The following CLCN1 variants were observed in gnomAD, a reference collection of about 807,000 sequenced individuals.
The protein encoded by CLCN1 is chloride channel protein 1.
CLCN1 carries 100 observed loss-of-function variants against 114.5 expected under a neutral mutation model. The observed-to-expected ratio is 0.87, with a 90% CI of 0.74 to 1.03. The LOEUF is 1.03. CLCN1 is among the 50% of genes least tolerant of loss of function. The pLI, the probability that CLCN1 is intolerant of heterozygous loss-of-function variation, is 0.00. For synonymous variants in CLCN1, 485 were observed against 487.1 expected, an observed-to-expected ratio of 1.00 and a Z score of 0.06; for missense variants, 1,188 against 1,250.0, an observed-to-expected ratio of 0.95 and a Z score of 0.75.
intron 20 of CLCN1, among the ~76,000 whole-genome samples, chr7:143,349,380 C>G (rs1803337597): frequency 6.6e-6 from 1 of 152,192 alleles, no homozygotes; most frequent in Non-Finnish European, 1.5e-5. Flanking sequence ...GATCCTAAAC[C>G]TATATAATGC....
intron 16 of CLCN1, among the ~76,000 whole-genome samples, chr7:143,344,803 T>C (rs1315435622): frequency 1.4e-5 from 2 of 147,690 alleles, no homozygotes; most frequent in African/African-American, 2.5e-5. Flanking sequence ...CAGGTTGGAG[T>C]GCAGTGGTGC....
At chr7:143,323,503 T>C (rs1802499546) in intron 6 of CLCN1, 117 bp downstream of exon 6, 1 of 786,140 alleles carries the variant, frequency 1.3e-6, no homozygotes, top group Admixed American at 1.8e-5. Flanking sequence ...TGAAGCAGCA[T>C]CGCACTAATC....
Position 143,330,660 on chromosome 7 carries a change from C to T in CLCN1, c.854-112C>T, listed in dbSNP as rs1189097809. ...AAGAGATCATTACTTTCCACTACTGCTTCCACCCAGATTCATGTTTCAGCA... is the reference window on the plus strand; with the variant it reads ...AAGAGATCATTACTTTCCACTACTGTTTCCACCCAGATTCATGTTTCAGCA... On this transcript the variant is annotated intron_variant, in intron 7 of 22. Transcript: ENST00000343257. 1.9e-5 allele frequency: 26 copies of T among 1,399,910 alleles called. No individual in the cohort carries two copies. The South Asian group carries it at 2.5e-4, about 13-fold the overall frequency. The allele number at this position is 1,399,910 out of a possible 1,614,324, so 86.7% of individuals were successfully genotyped here.
At chr7:143,345,853 G>T in intron 17 of CLCN1, 91 bp downstream of exon 17, 1 of 1,523,536 alleles carries the variant, frequency 6.6e-7, no homozygotes. Flanking sequence ...GCTGGGACAG[G>T]CGTAGTTTCC....
intron 1 of CLCN1, among the ~76,000 whole-genome samples, chr7:143,319,472 A>T (rs1366722785): frequency 6.6e-6 from 1 of 152,182 alleles, no homozygotes; most frequent in Non-Finnish European, 1.5e-5. Context: ...TCAAAGCAAA[A>T]ACTGGCCTCC....
intron 17 of CLCN1, among the ~76,000 whole-genome samples, 180 bp downstream of exon 17, chr7:143,345,942 C>T (rs1803231020): frequency 6.6e-6 from 1 of 152,078 alleles, no homozygotes; most frequent in African/African-American, 2.4e-5. Context: ...CCATAGAGAC[C>T]AGTGCCTCTG....
chr7:143,351,570 T>G (rs1309597093), intron 22 of CLCN1, 24 bp from the exon 23 acceptor site: 4 of 1,613,340 alleles, frequency 2.5e-6, no homozygotes, highest in Non-Finnish European at 2.5e-6. Context: ...TTTTACCCTC[T>G]TTTCCTTTCC....
At position 143,324,592 on chromosome 7, in the gene CLCN1, T is replaced by C. The variant is rs745985661; in HGVS notation, c.853+100T>C. The C allele has an allele frequency of 5.7e-6, 5 of 884,212 alleles. No homozygotes were observed. Among genetic ancestry groups the C allele is most frequent in the Non-Finnish European group, 9.5e-6 (5 of 526,356 alleles). The allele number at this position is 884,212 out of a possible 1,614,324, so 54.8% of individuals were successfully genotyped here. A position where few individuals can be genotyped will look rare whatever the true frequency, so the allele number is the denominator to read the frequency against. The stretch of plus-strand genomic sequence containing the variant: ...CAAGTGCTGGTATTACCAGGTTACT[T>C]ACGAGAATAGCTGACTTTTAGTAAG... On this transcript the variant is annotated intron_variant, in intron 7 of 22. Transcript: ENST00000343257. The surrounding 1 kb of genome is among the most constrained non-coding windows in gnomAD (Gnocchi z 4.6).
At chr7:143,345,822 G>C (rs565624596) in intron 17 of CLCN1, 60 bp downstream of exon 17, 8 of 1,568,668 alleles carry the variant, frequency 5.1e-6, no homozygotes, top group Non-Finnish European at 7.0e-6. Flanking sequence ...GAAAAGCGTC[G>C]TCTGGGCTGG....
rs1213012401 is a variant in CLCN1, at chr7:143,345,669, TG to T, written c.2083del (p.Glu695ArgfsTer99). 6.4e-7 allele frequency: 1 copy of T among 1,564,050 alleles called. No homozygotes were observed. The highest frequency in any genetic ancestry group is 2.4e-5 in the East Asian group (1 of 41,952). Reference protein sequence around the residue: ...LPYDGKARLAGEGLPGAPPGR... With the variant: ...LPYDGKARLAXEGLPGAPPGR... Reference sequence around the variant, plus strand: ...CTTACGACGGGAAGGCGCGGCTGGCTGGGGAGGGGCTCCCCGGCGCGCCTCC... The same window carrying T: ...CTTACGACGGGAAGGCGCGGCTGGCTGGGAGGGGCTCCCCGGCGCGCCTCC... On this transcript the variant is annotated frameshift_variant, in exon 17 of 23. Coordinates refer to ENST00000343257, the MANE Select transcript of CLCN1 (RefSeq NM_000083.3). LOFTEE classifies it high-confidence loss of function.
rs4726609 is a variant in CLCN1 at position 143,345,228 on chromosome 7, C to A, written c.1931-293C>A. On this transcript the variant is annotated intron_variant, in intron 16 of 22. Transcript: ENST00000343257. The stretch of plus-strand genomic sequence containing the variant: ...TTATTTGGACAGCATTGATTAGCCT[C>A]CTTAATTATCAGCTCACCTATCTGA... Among the ~76,000 whole-genome samples the A allele has an allele frequency of 0.43, 65,537 of 152,048 alleles. 14,764 individuals carry two copies. Among genetic ancestry groups the A allele is most frequent in the African/African-American group, 0.56 (23,166 of 41,450 alleles).
intron 19 of CLCN1, 117 bp downstream of exon 19, chr7:143,346,775 C>A: frequency 8.4e-7 from 1 of 1,196,106 alleles, no homozygotes; most frequent in Non-Finnish European, 1.2e-6. Context: ...GGAGTTTAAT[C>A]ATATGGAAGG....
chr7:143,329,855 AC>A (rs369509610), intron 7 of CLCN1, among the ~76,000 whole-genome samples: 3,172 of 150,984 alleles, frequency 0.021, 62 homozygotes, highest in Middle Eastern at 0.065. Context: ...ATTAAAGTCC[AC>A]CCCCCCTTAT....
At chr7:143,320,177 G>A (rs1474721599) in intron 2 of CLCN1, among the ~76,000 whole-genome samples, 1 of 152,082 alleles carries the variant, frequency 6.6e-6, no homozygotes, top group Non-Finnish European at 1.5e-5. Flanking sequence ...TTTTTGTAAG[G>A]ATGCTGAGGC....
intron 12 of CLCN1, among the ~76,000 whole-genome samples, chr7:143,335,976 A>G (rs1462673406): frequency 6.6e-6 from 1 of 152,098 alleles, no homozygotes; most frequent in East Asian, 1.9e-4. Context: ...GCTGTTTTAT[A>G]ATATTAATGA....
At chr7:143,337,185 A>G (rs1452184675) in intron 12 of CLCN1, among the ~76,000 whole-genome samples, 2 of 152,164 alleles carry the variant, frequency 1.3e-5, no homozygotes, top group Non-Finnish European at 2.9e-5. Flanking sequence ...CCTCCTTTGC[A>G]TGAATACTAT....
At chr7:143,340,097 T>C (rs1803038704) in intron 14 of CLCN1, among the ~76,000 whole-genome samples, 1 of 152,236 alleles carries the variant, frequency 6.6e-6, no homozygotes, top group African/African-American at 2.4e-5. Flanking sequence ...TTCTGAGCCC[T>C]AGTTTCTTTA....
chr7:143,347,499 T>G (rs570046421), intron 20 of CLCN1, among the ~76,000 whole-genome samples: 58 of 151,558 alleles, frequency 3.8e-4, no homozygotes, highest in Non-Finnish European at 7.4e-4. Context: ...CACGCACCTG[T>G]AATCCCAGAT....
intron 9 of CLCN1, 107 bp downstream of exon 9, chr7:143,331,423 A>G (rs1266453567): frequency 2.7e-6 from 3 of 1,122,544 alleles, no homozygotes; most frequent in Admixed American, 3.4e-5. Flanking sequence ...CAGATAGAGT[A>G]CATTGCTGGG....
Sources: allele counts gnomAD v4.1 joint callset (sites outside exome capture counted in the v4.1 genomes callset), GRCh38; gene constraint gnomAD v4.1.1; non-coding constraint Gnocchi (gnomAD v3.1); transcripts MANE v1.5; gene names NCBI Gene and HGNC (gene_info 2026-07-23, HGNC 2026-07-21).